SDHC: variants seen among roughly 807,000 people sequenced by gnomAD.
SDHC encodes the protein succinate dehydrogenase complex subunit C, also known as succinate dehydrogenase cytochrome b560 subunit, mitochondrial.
In SDHC, 11 loss-of-function variants were observed where a neutral mutation model predicts 22.6. That is an observed-to-expected ratio of 0.49 (90% CI 0.31 to 0.81). The LOEUF (loss-of-function observed/expected upper bound fraction) is 0.81. SDHC is among the 30% of genes least tolerant of loss of function. The pLI, the probability that SDHC is intolerant of heterozygous loss-of-function variation, is 0.05. For synonymous variants in SDHC, 80 were observed against 77.8 expected (o/e 1.03, Z -0.15); for missense variants, 160 against 212.0 (o/e 0.75, Z 1.52).
At chr1:161,339,545 AT>A (rs369711016) in intron 3 of SDHC, 19,024 of 941,210 alleles carry the variant, frequency 0.02, 3 homozygotes, top group Admixed American at 0.029. Flanking sequence ...AGTTATAATC[AT>A]TTTTTTTTTT....
intron 5 of SDHC, among the ~76,000 whole-genome samples, chr1:161,358,552 G>A (rs1185380111): frequency 1.3e-5 from 2 of 151,978 alleles, no homozygotes; most frequent in Admixed American, 6.6e-5. Context: ...TGGGAGGATC[G>A]AATGAGCCTG....
chr1:161,345,967 G>A (rs1447367817), intron 4 of SDHC, among the ~76,000 whole-genome samples: 1 of 151,698 alleles, frequency 6.6e-6, no homozygotes, highest in Non-Finnish European at 1.5e-5. Flanking sequence ...TACCATGCAC[G>A]GCTAATGTTT....
chr1:161,323,705 T>A (rs1318341757), intron 2 of SDHC, 35 bp downstream of exon 2: 1 of 1,543,448 alleles, frequency 6.5e-7, no homozygotes, highest in Non-Finnish European at 8.9e-7. Context: ...TTTATTTATT[T>A]TTTTTTTTGA....
At chr1:161,336,338 CCAGCTACT>C (rs1266769660) in intron 3 of SDHC, among the ~76,000 whole-genome samples, 5 of 152,048 alleles carry the variant, frequency 3.3e-5, no homozygotes, top group African/African-American at 1.2e-4. Context: ...GCTTGTAGTC[CCAGCTACT>C]CAGGAGTCTG....
chr1:161,334,384 C>T (rs998874833), intron 3 of SDHC, among the ~76,000 whole-genome samples: 9 of 152,030 alleles, frequency 5.9e-5, no homozygotes, highest in Non-Finnish European at 7.4e-5. Context: ...ACACTGGGCC[C>T]GTCCTAATAA....
At chr1:161,339,198 A>G (rs559636749) in intron 3 of SDHC, among the ~76,000 whole-genome samples, 1 of 151,906 alleles carries the variant, frequency 6.6e-6, no homozygotes, top group South Asian at 2.1e-4. Flanking sequence ...ATTTAGAGGC[A>G]TGGTCTCTGT....
At chr1:161,338,837 G>A (rs1671591578) in intron 3 of SDHC, among the ~76,000 whole-genome samples, 2 of 152,036 alleles carry the variant, frequency 1.3e-5, no homozygotes, top group Admixed American at 1.3e-4. Context: ...TTGTATTACA[G>A]TGATTGCTTT....
At chr1:161,326,345 T>C (rs1018726143) in intron 2 of SDHC, among the ~76,000 whole-genome samples, 6 of 152,006 alleles carry the variant, frequency 3.9e-5, no homozygotes, top group Non-Finnish European at 7.4e-5. Context: ...CCCACCATAC[T>C]GTTACCGGAA....
chr1:161,347,046 A>G (rs1270125960), intron 4 of SDHC, among the ~76,000 whole-genome samples: 4 of 152,218 alleles, frequency 2.6e-5, no homozygotes, highest in African/African-American at 7.2e-5. Flanking sequence ...TTAGTTGTAT[A>G]TCCACAGATG....
intron 4 of SDHC, among the ~76,000 whole-genome samples, chr1:161,341,258 T>C (rs1473557339): frequency 6.6e-6 from 1 of 152,214 alleles, no homozygotes; most frequent in East Asian, 1.9e-4. Context: ...TGATCATTGA[T>C]GAAACACAGT....
At chr1:161,328,565 G>A in intron 3 of SDHC, 68 bp downstream of exon 3, 3 of 1,128,718 alleles carry the variant, frequency 2.7e-6, no homozygotes, top group East Asian at 4.7e-5. Context: ...TTGATCTTTA[G>A]CCTACTTGAT....
chr1:161,319,573 G>A (rs1670767422), intron 1 of SDHC, among the ~76,000 whole-genome samples: 1 of 151,872 alleles, frequency 6.6e-6, no homozygotes, highest in Non-Finnish European at 1.5e-5. Flanking sequence ...CAGCCACCCG[G>A]GTAGCTGGCA....
At chr1:161,328,007 ATT>A (rs778403973) in intron 2 of SDHC, among the ~76,000 whole-genome samples, 28 of 138,244 alleles carry the variant, frequency 2.0e-4, no homozygotes, top group African/African-American at 3.5e-4. Context: ...GATACTGCAA[ATT>A]TTTTTTTTTT....
At position 161,354,774 on chromosome 1, in the gene SDHC, A is replaced by G. The variant is rs1461533272; in HGVS notation, c.242-1903A>G. Among the ~76,000 whole-genome samples, 3 of 148,618 alleles carry G rather than the reference A, an allele frequency of 2.0e-5. No homozygotes were observed. The East Asian group carries it at 6.0e-4, about 29-fold the overall frequency. On this transcript the variant is annotated intron_variant, in intron 4 of 5. Coordinates refer to ENST00000367975, the MANE Select transcript of SDHC (RefSeq NM_003001.5). ...GCCCAGGCTGGAGTGCAGTGGTGCGATCTCAGCTTCCTGCAACCTCCACCT... is the reference window on the plus strand; with the variant it reads ...GCCCAGGCTGGAGTGCAGTGGTGCGGTCTCAGCTTCCTGCAACCTCCACCT...
chr1:161,356,955 G>A, intron 5 of SDHC, 115 bp downstream of exon 5: 1 of 1,099,242 alleles, frequency 9.1e-7, no homozygotes, highest in Non-Finnish European at 1.4e-6. Flanking sequence ...CCCAAGAGTG[G>A]AGTCTCGCTC....
chr1:161,330,654 C>G (rs1000952633), intron 3 of SDHC, among the ~76,000 whole-genome samples: 1 of 152,160 alleles, frequency 6.6e-6, no homozygotes, highest in African/African-American at 2.4e-5. Flanking sequence ...CATCTTCTCT[C>G]TGTCACTTTT....
intron 4 of SDHC, among the ~76,000 whole-genome samples, chr1:161,352,345 ATC>A (rs1672125700): frequency 6.6e-6 from 1 of 152,180 alleles, no homozygotes; most frequent in African/African-American, 2.4e-5. Flanking sequence ...AGCCAAAATG[ATC>A]TCTCTCCTGA....
intron 1 of SDHC, 49 bp from the exon 2 acceptor site, chr1:161,323,565 A>G (rs749175566): frequency 6.9e-7 from 1 of 1,440,584 alleles, no homozygotes; most frequent in South Asian, 1.1e-5. Flanking sequence ...TTGATATACT[A>G]AAGTTGATCT....
chr1:161,345,670 A>G (rs1309703891), intron 4 of SDHC, among the ~76,000 whole-genome samples: 1 of 151,930 alleles, frequency 6.6e-6, no homozygotes, highest in Non-Finnish European at 1.5e-5. Flanking sequence ...GTTAGCCAGG[A>G]TGGTCTCGAT....
Sources: allele counts gnomAD v4.1 joint callset (sites outside exome capture counted in the v4.1 genomes callset), GRCh38; gene constraint gnomAD v4.1.1; transcripts MANE v1.5; gene names NCBI Gene and HGNC (gene_info 2026-07-23, HGNC 2026-07-21).